Variants in SLC7A14 observed in about 807,000 individuals in gnomAD.
SLC7A14 encodes solute carrier family 7 member 14.
A neutral mutation model predicts 60.2 loss-of-function variants in SLC7A14; 37 were observed. The ratio of observed to expected loss-of-function variants is 0.61; its 90% CI spans 0.47 to 0.81. The LOEUF is 0.81. Among genes scored for constraint, SLC7A14 ranks in the 30% least tolerant of loss-of-function variants. The probability of loss-of-function intolerance (pLI) is 0.00; values close to 1 mark genes in which losing one functional copy is unlikely to be tolerated. For synonymous variants in SLC7A14, 399 were observed against 395.8 expected, an observed-to-expected ratio of 1.01 and a Z score of -0.10; for missense variants, 886 against 982.7, an observed-to-expected ratio of 0.90 and a Z score of 1.32.
chr3:170,556,878 T>C (rs1207093671), intron 1 of SLC7A14, among the ~76,000 whole-genome samples: 1 of 152,196 alleles, frequency 6.6e-6, no homozygotes, highest in Admixed American at 6.5e-5. Flanking sequence ...TCTACGTTAT[T>C]CTCACTGAAA....
chr3:170,575,135 G>A (rs1715055638), intron 1 of SLC7A14, among the ~76,000 whole-genome samples: 1 of 152,184 alleles, frequency 6.6e-6, no homozygotes, highest in Non-Finnish European at 1.5e-5. Context: ...GTAGATGAGG[G>A]AAAAATTCAA....
chr3:170,539,387 G>C (rs920680381), intron 1 of SLC7A14, among the ~76,000 whole-genome samples: 1 of 152,106 alleles, frequency 6.6e-6, no homozygotes, highest in Non-Finnish European at 1.5e-5. Flanking sequence ...TGGCCTCTCT[G>C]TGGTCTCTTG....
chr3:170,495,583 G>T (rs11718669), intron 4 of SLC7A14: 114,564 of 761,356 alleles, frequency 0.15, 12,148 homozygotes, highest in African/African-American at 0.44. Context: ...AGCTTCCGGG[G>T]TGGCCTGGGC....
chr3:170,498,300 A>G (rs558241991), intron 4 of SLC7A14, among the ~76,000 whole-genome samples: 2 of 152,320 alleles, frequency 1.3e-5, no homozygotes, highest in South Asian at 4.1e-4. Context: ...TCTGAATGGG[A>G]GTTTTTTTCA....
At position 170,535,302 on chromosome 3, in the gene SLC7A14, C is replaced by G. The variant is rs751128193; in HGVS notation, c.-152-8214G>C. The stretch of plus-strand genomic sequence containing the variant: ...AAAACTCTTCATTAATCAGATATTA[C>G]TGGGAAACCTCTCTGTTAGAAGGGA... On this transcript the variant is annotated intron_variant, in intron 1 of 7. Transcript: ENST00000231706. This position sits in a 1 kb window ranked among gnomAD's most constrained non-coding sequence, Gnocchi z 4.3. Among the ~76,000 whole-genome samples, 51 of 152,106 alleles carry G rather than the reference C, an allele frequency of 3.4e-4. No individual in the cohort carries two copies. The highest frequency in any genetic ancestry group is 4.1e-4 in the South Asian group (2 of 4,822).
chr3:170,467,204 G>A lies in SLC7A14; in HGVS notation c.2167C>T (p.Pro723Ser), dbSNP rs1018189773. The A allele has an allele frequency of 6.2e-7, 1 of 1,614,268 alleles. No individual in the cohort carries two copies. Residue 723 changes from proline to serine, a missense_variant, in exon 8 of 8, where the codon CCC becomes TCC. Coordinates refer to ENST00000231706, the MANE Select transcript of SLC7A14 (RefSeq NM_020949.3). ...TAATAGAAGCCTTTGTCTTCAGTGG[G>A]CCCGCCCCAGTCCTCCTGGCTCTCG... ...EGESQEDWGGPTEDKGFYYQQ... is the reference protein window; with the variant it reads ...EGESQEDWGGSTEDKGFYYQQ...
At chr3:170,499,988 C>T (rs534678531) in intron 3 of SLC7A14, among the ~76,000 whole-genome samples, 1 of 152,174 alleles carries the variant, frequency 6.6e-6, no homozygotes, top group Non-Finnish European at 1.5e-5. Context: ...TGTCATGGTA[C>T]TTGGGTGCTC....
At chr3:170,504,493 G>C (rs566109700) in intron 2 of SLC7A14, among the ~76,000 whole-genome samples, 1 of 152,036 alleles carries the variant, frequency 6.6e-6, no homozygotes, top group Non-Finnish European at 1.5e-5. Flanking sequence ...GCTAATTTTT[G>C]TATTTTTAGT....
At chr3:170,562,095 G>T (rs933381374) in intron 1 of SLC7A14, among the ~76,000 whole-genome samples, 1 of 152,188 alleles carries the variant, frequency 6.6e-6, no homozygotes, top group East Asian at 1.9e-4. Context: ...ATTCCTTAAA[G>T]AACTAAAAGT....
intron 1 of SLC7A14, chr3:170,569,940 G>C (rs1252573178): frequency 6.6e-6 from 1 of 151,946 alleles, no homozygotes. Context: ...TATCAATTTT[G>C]TTGATCCTTT....
chr3:170,499,018 C>T (rs756908790), intron 3 of SLC7A14, 134 bp from the exon 4 acceptor site: 157 of 734,868 alleles, frequency 2.1e-4, no homozygotes, highest in Non-Finnish European at 3.0e-4. Context: ...AGGCAGATCA[C>T]GAGGTCAGGA....
At chr3:170,577,345 G>T (rs560474085) in intron 1 of SLC7A14, among the ~76,000 whole-genome samples, 2 of 152,128 alleles carry the variant, frequency 1.3e-5, no homozygotes, top group Non-Finnish European at 2.9e-5. Flanking sequence ...GAGGCCGGGC[G>T]CGGTGGCTCA....
intron 6 of SLC7A14, 75 bp downstream of exon 6, chr3:170,483,239 G>T: frequency 6.5e-7 from 1 of 1,534,798 alleles, no homozygotes. Context: ...ATCACAGTCA[G>T]TCTGACAGTG....
chr3:170,545,548 C>G (rs539492790), intron 1 of SLC7A14, among the ~76,000 whole-genome samples: 1 of 152,272 alleles, frequency 6.6e-6, no homozygotes, highest in Non-Finnish European at 1.5e-5. Flanking sequence ...TTCTTAACAT[C>G]CTTAAGACCT....
intron 1 of SLC7A14, among the ~76,000 whole-genome samples, chr3:170,531,398 C>G (rs893017397): frequency 4.6e-5 from 7 of 152,080 alleles, no homozygotes; most frequent in Admixed American, 1.3e-4. Flanking sequence ...AACAAACCAG[C>G]CTTTTTATGA....
Position 170,498,719 on chromosome 3 carries a change from A to T in SLC7A14, c.707T>A (p.Ile236Asn). 1 of 1,614,194 alleles carries T rather than the reference A, an allele frequency of 6.2e-7. No individual in the cohort carries two copies. The highest frequency in any genetic ancestry group is 8.5e-7 in the Non-Finnish European group (1 of 1,180,042). ...VFIMIAGLFF[I>N]NGKYWAEGQF... ...GCCCTCCGCCCAGTATTTCCCATTG[A>T]TGAAGAAGAGGCCTGCGATCATGAT... The change falls in exon 4 of 8, where the codon ATC (isoleucine) becomes AAC (asparagine). Residue 236 changes from isoleucine to asparagine, a missense_variant. By Grantham distance (149) the Ile-to-Asn change is moderately radical. Coordinates refer to ENST00000231706, the MANE Select transcript of SLC7A14 (RefSeq NM_020949.3).
rs748846668 is a variant in SLC7A14 at position 170,526,098 on chromosome 3, AAAC to A, written c.304+532_304+534del. On this transcript the variant is annotated intron_variant, in intron 2 of 7. Coordinates refer to ENST00000231706, the MANE Select transcript of SLC7A14 (RefSeq NM_020949.3). The stretch of plus-strand genomic sequence containing the variant: ...TTTAAAAAAAAAAAACCCAGAAAAC[AAAC>A]AACAACAACAAAAAAGAAGGCCAGG... Among the ~76,000 whole-genome samples, 4 of 150,560 alleles carry A rather than the reference AAAC, an allele frequency of 2.7e-5. No individual in the cohort carries two copies. The South Asian group carries it at 8.4e-4, about 32-fold the overall frequency.
intron 7 of SLC7A14, among the ~76,000 whole-genome samples, chr3:170,471,830 T>A (rs571933970): frequency 6.6e-6 from 1 of 152,316 alleles, no homozygotes; most frequent in African/African-American, 2.4e-5. Context: ...ATTTGGATAT[T>A]TAATTCTGCT....
rs558551371 is a variant in SLC7A14, at chr3:170,510,399, A to T, written c.305-9054T>A. Reference sequence around the variant, plus strand: ...AGCAAGACTCTGTCAAAAAAAAAAAAATAAATAAATAAATAAATAAATAAA... The same window carrying T: ...AGCAAGACTCTGTCAAAAAAAAAAATATAAATAAATAAATAAATAAATAAA... On this transcript the variant is annotated intron_variant, in intron 2 of 7. Coordinates refer to ENST00000231706, the MANE Select transcript of SLC7A14 (RefSeq NM_020949.3). Among the ~76,000 whole-genome samples, 497 of 139,828 alleles carry T rather than the reference A, an allele frequency of 3.6e-3. 8 individuals are homozygous for T. The highest frequency in any genetic ancestry group is 0.026 in the Middle Eastern group (7 of 266). The allele number at this position is 139,828 out of a possible 152,430, so 91.7% of individuals were successfully genotyped here.
Sources: allele counts gnomAD v4.1 joint callset (sites outside exome capture counted in the v4.1 genomes callset), GRCh38; gene constraint gnomAD v4.1.1; non-coding constraint Gnocchi (gnomAD v3.1); transcripts MANE v1.5; gene names NCBI Gene and HGNC (gene_info 2026-07-23, HGNC 2026-07-21).